Variants in CNBD1 observed in about 807,000 individuals in gnomAD.
The protein encoded by CNBD1 is cyclic nucleotide-binding domain-containing protein 1.
A neutral mutation model predicts 54.4 loss-of-function variants in CNBD1; 71 were observed. The ratio of observed to expected loss-of-function variants is 1.30; its 90% CI spans 1.08 to 1.59. The LOEUF is 1.59. CNBD1 is among the 40% of genes most tolerant of loss of function. The pLI, the probability that CNBD1 is intolerant of heterozygous loss-of-function variation, is 0.00. For missense variants in CNBD1, 659 were observed against 518.0 expected, an observed-to-expected ratio of 1.27 and a Z score of -2.64; for synonymous variants, 182 against 170.7, an observed-to-expected ratio of 1.07 and a Z score of -0.51.
chr8:87,198,638 T>G (rs1024562988), intron 4 of CNBD1, among the ~76,000 whole-genome samples: 4 of 152,116 alleles, frequency 2.6e-5, no homozygotes, highest in Non-Finnish European at 4.4e-5. Flanking sequence ...ACACACAACT[T>G]TTGCCAATCA....
chr8:87,420,468 T>A (rs1220201765), intron 2 of CNBD1, among the ~76,000 whole-genome samples: 1 of 152,120 alleles, frequency 6.6e-6, no homozygotes, highest in Non-Finnish European at 1.5e-5. Flanking sequence ...TGCAAAAGCA[T>A]GCCTCTTTGT....
At chr8:86,918,728 T>A (rs1809225414) in intron 3 of CNBD1, among the ~76,000 whole-genome samples, 1 of 150,966 alleles carries the variant, frequency 6.6e-6, no homozygotes, top group South Asian at 2.1e-4. Flanking sequence ...TTTTTATTTA[T>A]AAATTACCCA....
chr8:87,237,493 T>TA (rs1807608161), intron 6 of CNBD1, among the ~76,000 whole-genome samples: 1 of 151,506 alleles, frequency 6.6e-6, no homozygotes, highest in Non-Finnish European at 1.5e-5. Flanking sequence ...AATGTATGTT[T>TA]ATTATGTTTG....
Position 86,939,708 on chromosome 8 carries a change from A to G in CNBD1, c.385A>G (p.Arg129Gly). 6.3e-7 allele frequency: 1 copy of G among 1,589,602 alleles called. No individual in the cohort carries two copies. The highest frequency in any genetic ancestry group is 8.6e-7 in the Non-Finnish European group (1 of 1,165,662). ...HGGHILYRPKRATEKFEEFLA... is the reference protein window; with the variant it reads ...HGGHILYRPKGATEKFEEFLA... ...TGGCCATATTTTATATAGACCAAAA[A>G]GAGCCACAGAGAAATTTGAAGAATT... The change falls in exon 4 of 11, where the codon AGA becomes GGA. Residue 129 changes from arginine to glycine, a missense_variant. Coordinates refer to ENST00000518476, the MANE Select transcript of CNBD1 (RefSeq NM_173538.3).
intron 6 of CNBD1, among the ~76,000 whole-genome samples, chr8:87,239,862 T>A (rs1462748742): frequency 6.6e-6 from 1 of 152,106 alleles, no homozygotes; most frequent in Non-Finnish European, 1.5e-5. Flanking sequence ...GCTGAAAGCT[T>A]TTTCATTAGA....
At chr8:87,016,020 G>A (rs1320086655) in intron 4 of CNBD1, among the ~76,000 whole-genome samples, 1 of 145,716 alleles carries the variant, frequency 6.9e-6, no homozygotes, top group African/African-American at 2.6e-5. Context: ...ATTCTGCATA[G>A]CTGTTATACC....
At chr8:87,345,410 G>A (rs1810151545) in intron 8 of CNBD1, among the ~76,000 whole-genome samples, 1 of 151,638 alleles carries the variant, frequency 6.6e-6, no homozygotes, top group Non-Finnish European at 1.5e-5. Flanking sequence ...ATTCTTTTTT[G>A]GTGCTCTACC....
chr8:87,034,145 G>T (rs1272295985), intron 4 of CNBD1, among the ~76,000 whole-genome samples: 1 of 152,106 alleles, frequency 6.6e-6, no homozygotes, highest in Non-Finnish European at 1.5e-5. Flanking sequence ...CATTTATCTT[G>T]AAATGTCAGG....
chr8:87,389,868 CA>C (rs1288517643), intron 2 of CNBD1, among the ~76,000 whole-genome samples: 1 of 152,148 alleles, frequency 6.6e-6, no homozygotes, highest in East Asian at 1.9e-4. Flanking sequence ...CTACAGTAAC[CA>C]AAACAGCATG....
chr8:87,420,670 A>T (rs1312379138), intron 2 of CNBD1, among the ~76,000 whole-genome samples: 2 of 151,932 alleles, frequency 1.3e-5, no homozygotes, highest in African/African-American at 4.8e-5. Context: ...TGCTTTTGCT[A>T]TTTAAATATA....
rs577782620 is a variant in CNBD1, at chr8:87,344,844, T to G, written c.1043-6841T>G. ...AACAATGCTGCTTAAATAATTGAAC[T>G]GAAATCATTATAGGTAGTTAGGCAG... On this transcript the variant is annotated intron_variant, in intron 8 of 10. Transcript: ENST00000518476. Among the ~76,000 whole-genome samples the G allele has an allele frequency of 2.6e-5, 4 of 152,268 alleles. No individual in the cohort carries two copies. In the East Asian group the frequency reaches 7.7e-4, roughly 29 times the overall value.
intron 8 of CNBD1, among the ~76,000 whole-genome samples, chr8:87,317,950 A>G (rs1167292769): frequency 6.6e-6 from 1 of 151,728 alleles, no homozygotes; most frequent in African/African-American, 2.4e-5. Flanking sequence ...GTGTGTCTTC[A>G]AGTTCACCAA....
intron 4 of CNBD1, among the ~76,000 whole-genome samples, chr8:87,048,199 G>A (rs939324845): frequency 1.3e-5 from 2 of 152,180 alleles, no homozygotes; most frequent in Admixed American, 1.3e-4. Flanking sequence ...TTAAATAAGG[G>A]CAGTCCTATT....
intron 4 of CNBD1, among the ~76,000 whole-genome samples, chr8:86,989,651 A>G (rs1449257219): frequency 6.6e-6 from 1 of 151,898 alleles, no homozygotes; most frequent in African/African-American, 2.4e-5. Flanking sequence ...GGGTTTCACC[A>G]TGTTGCCCAG....
intron 3 of CNBD1, among the ~76,000 whole-genome samples, chr8:86,921,125 C>G (rs542137292): frequency 6.6e-6 from 1 of 152,256 alleles, no homozygotes; most frequent in Non-Finnish European, 1.5e-5. Flanking sequence ...ATTTCTTTCT[C>G]TAGCATAGCT....
rs1486072744 is a variant in CNBD1, at chr8:87,227,600, C to T, written c.578-9319C>T. On this transcript the variant is annotated intron_variant, in intron 5 of 10. Transcript: ENST00000518476. ...CTCTTCTGGCTTGTAGGGTTTCTGC[C>T]GAGAGATCCGCTGTTAGTCTGATGG... 1.4e-4 allele frequency among the ~76,000 whole-genome samples: 17 copies of T among 124,206 alleles called. No homozygotes were observed. The South Asian group carries it at 3.5e-3, about 26-fold the overall frequency. The allele number at this position is 124,206 out of a possible 152,430, so 81.5% of individuals were successfully genotyped here. A position where few individuals can be genotyped will look rare whatever the true frequency, so the allele number is the denominator to read the frequency against.
chr8:87,006,369 C>T (rs1809097965), intron 4 of CNBD1, among the ~76,000 whole-genome samples: 1 of 151,974 alleles, frequency 6.6e-6, no homozygotes, highest in Non-Finnish European at 1.5e-5. Flanking sequence ...ATAAATTAAC[C>T]AAGAAAAGGA....
rs1586182914 is a variant in CNBD1, at chr8:86,989,304, A to ATACATAC, written c.431+49550_431+49551insTACATAC. Among the ~76,000 whole-genome samples, 482 of 149,256 alleles carry ATACATAC rather than the reference A, an allele frequency of 3.2e-3. 2 individuals are homozygous for ATACATAC. Among genetic ancestry groups the ATACATAC allele is most frequent in the African/African-American group, 0.011 (452 of 40,346 alleles). ...GCAAGACAGCATCTCAAAACAAATA[A>ATACATAC]ATACATACATACATACATACATACA... is the stretch of plus-strand genomic sequence containing the variant. On this transcript the variant is annotated intron_variant, in intron 4 of 10. Transcript: ENST00000518476.
At chr8:87,050,525 T>C (rs890722394) in intron 4 of CNBD1, among the ~76,000 whole-genome samples, 1 of 152,194 alleles carries the variant, frequency 6.6e-6, no homozygotes, top group Non-Finnish European at 1.5e-5. Flanking sequence ...AAGTGAGGGC[T>C]GTCTCAGAAT....
Sources: allele counts gnomAD v4.1 joint callset (sites outside exome capture counted in the v4.1 genomes callset), GRCh38; gene constraint gnomAD v4.1.1; transcripts MANE v1.5; gene names NCBI Gene and HGNC (gene_info 2026-07-23, HGNC 2026-07-21).